Variants in CNTN5 observed in about 807,000 individuals in gnomAD.
The protein encoded by CNTN5 is contactin 5.
Under a neutral mutation model 129.1 loss-of-function variants are expected in CNTN5, and 77 were observed. The ratio of observed to expected loss-of-function variants is 0.60; its 90% confidence interval spans 0.50 to 0.72. The LOEUF (loss-of-function observed/expected upper bound fraction) is 0.72. CNTN5 is among the 30% of genes least tolerant of loss of function. CNTN5 has a pLI of 0.00. For synonymous variants in CNTN5, 509 were observed against 465.6 expected (o/e 1.09, Z -1.20); for missense variants, 1,478 against 1,328.8 (o/e 1.11, Z -1.75).
chr11:99,500,491 C>G (rs1009511595), intron 2 of CNTN5, among the ~76,000 whole-genome samples: 3 of 152,040 alleles, frequency 2.0e-5, no homozygotes, highest in African/African-American at 7.2e-5. Flanking sequence ...TATACCTACC[C>G]AAAAGTTTAT....
chr11:99,955,098 A>G (rs1024198273), intron 7 of CNTN5, among the ~76,000 whole-genome samples: 24 of 151,916 alleles, frequency 1.6e-4, no homozygotes, highest in South Asian at 4.1e-4. Context: ...AAAAGCTAAG[A>G]AAACCCTTAT....
At chr11:99,415,181 A>G (rs1409153115) in intron 2 of CNTN5, among the ~76,000 whole-genome samples, 1 of 152,212 alleles carries the variant, frequency 6.6e-6, no homozygotes, top group African/African-American at 2.4e-5. Context: ...GCAAAGCACA[A>G]CAGATTTATT....
chr11:99,936,567 A>C (rs1167907129), intron 7 of CNTN5, among the ~76,000 whole-genome samples: 1 of 152,192 alleles, frequency 6.6e-6, no homozygotes, highest in Non-Finnish European at 1.5e-5. Context: ...TGTAAACCTT[A>C]TTAAAAAGTC....
intron 7 of CNTN5, among the ~76,000 whole-genome samples, chr11:99,921,783 T>G (rs1367326418): frequency 2.0e-5 from 3 of 152,164 alleles, no homozygotes; most frequent in Non-Finnish European, 4.4e-5. Context: ...TTCAGAAATA[T>G]ATGAAATGAG....
chr11:99,716,471 C>G (rs183570402), intron 3 of CNTN5, among the ~76,000 whole-genome samples: 1 of 151,986 alleles, frequency 6.6e-6, no homozygotes, highest in Non-Finnish European at 1.5e-5. Flanking sequence ...TCTGGTCAGA[C>G]CCTTGTCTGG....
At chr11:99,432,460 CTTTCCTTTT>C in intron 2 of CNTN5, among the ~76,000 whole-genome samples, 1 of 113,682 alleles carries the variant, frequency 8.8e-6, no homozygotes, top group East Asian at 2.5e-4. Flanking sequence ...CTTTTCTTTT[CTTTCCTTTT>C]CTTTTCTTTT....
chr11:99,660,715 C>G (rs1166386992), intron 3 of CNTN5, among the ~76,000 whole-genome samples: 1 of 151,928 alleles, frequency 6.6e-6, no homozygotes, highest in Non-Finnish European at 1.5e-5. Flanking sequence ...ATAATTGTTC[C>G]AATGTAACAT....
chr11:99,907,754 T>G (rs1370143501), intron 6 of CNTN5, among the ~76,000 whole-genome samples: 1 of 151,988 alleles, frequency 6.6e-6, no homozygotes, highest in Non-Finnish European at 1.5e-5. Context: ...TTTTTCTATG[T>G]TAGGTTTCTG....
chr11:99,393,934 A>C (rs1941394959), intron 2 of CNTN5, among the ~76,000 whole-genome samples: 1 of 151,744 alleles, frequency 6.6e-6, no homozygotes. Flanking sequence ...CTGTTTAATT[A>C]GTGAGAGAAT....
chr11:99,030,687 A>AT (rs1339960933), intron 1 of CNTN5, among the ~76,000 whole-genome samples: 1 of 150,984 alleles, frequency 6.6e-6, no homozygotes, highest in East Asian at 1.9e-4. Flanking sequence ...CAATTATATT[A>AT]TTTTTTCACT....
intron 23 of CNTN5, among the ~76,000 whole-genome samples, chr11:100,345,441 G>T (rs1422018170): frequency 6.6e-6 from 1 of 152,106 alleles, no homozygotes; most frequent in Admixed American, 6.6e-5. Context: ...CCTGAATTCT[G>T]CAGGGGACAC....
intron 2 of CNTN5, among the ~76,000 whole-genome samples, chr11:99,390,301 A>G (rs898112195): frequency 6.6e-6 from 1 of 152,040 alleles, no homozygotes; most frequent in Non-Finnish European, 1.5e-5. Flanking sequence ...TTTATTTTTC[A>G]TAGAGATGGG....
At chr11:99,991,138 G>T (rs910965256) in intron 8 of CNTN5, among the ~76,000 whole-genome samples, 1 of 152,182 alleles carries the variant, frequency 6.6e-6, no homozygotes, top group Non-Finnish European at 1.5e-5. Context: ...TGTCACCATT[G>T]GTTATGCTTG....
chr11:99,274,328 A>C (rs879896328), intron 1 of CNTN5, among the ~76,000 whole-genome samples: 1 of 151,736 alleles, frequency 6.6e-6, no homozygotes, highest in Non-Finnish European at 1.5e-5. Flanking sequence ...CTTGTCTGAA[A>C]TATGTGTTAA....
intron 7 of CNTN5, among the ~76,000 whole-genome samples, chr11:99,917,972 A>G (rs1591417891): frequency 6.6e-6 from 1 of 152,084 alleles, no homozygotes; most frequent in South Asian, 2.1e-4. Flanking sequence ...CCAACTTGAT[A>G]TGTTATTACC....
At chr11:99,586,491 T>C (rs1368862178) in intron 3 of CNTN5, among the ~76,000 whole-genome samples, 2 of 152,246 alleles carry the variant, frequency 1.3e-5, no homozygotes, top group Non-Finnish European at 2.9e-5. Flanking sequence ...GCATATCATG[T>C]TCTCTAGCCT....
At chr11:99,244,270 G>A (rs1861711424) in intron 1 of CNTN5, among the ~76,000 whole-genome samples, 2 of 152,124 alleles carry the variant, frequency 1.3e-5, no homozygotes, top group Admixed American at 6.5e-5. Flanking sequence ...TGTCATTGAT[G>A]TATAGAAATG....
chr11:100,083,068 C>T (rs1036862882), intron 13 of CNTN5, among the ~76,000 whole-genome samples: 17 of 152,000 alleles, frequency 1.1e-4, no homozygotes, highest in African/African-American at 4.1e-4. Context: ...GTAATCCCAG[C>T]ATTTTGGGAG....
chr11:100,069,079 A>C (rs1252907387), intron 10 of CNTN5, among the ~76,000 whole-genome samples: 1 of 152,176 alleles, frequency 6.6e-6, no homozygotes, highest in Non-Finnish European at 1.5e-5. Flanking sequence ...CTCCCTGCTA[A>C]ACTGGCTTTG....
Sources: gnomAD v4.1 joint callset for allele counts (sites outside exome capture counted in the v4.1 genomes callset) on GRCh38, gnomAD v4.1.1 for gene constraint, MANE v1.5 for transcripts, NCBI Gene and HGNC (gene_info 2026-07-23, HGNC 2026-07-21) for gene names.